The following OXCT1 variants were observed in gnomAD, a reference collection of about 807,000 sequenced individuals.
OXCT1 encodes 3-oxoacid CoA-transferase 1.
Under a neutral mutation model 69.6 loss-of-function variants are expected in OXCT1, and 27 were observed. The observed-to-expected ratio is 0.39, with a 90% CI of 0.29 to 0.54. The LOEUF is 0.54. OXCT1 is among the 20% of genes least tolerant of loss of function. The probability of loss-of-function intolerance (pLI) is 0.72; values close to 1 mark genes in which losing one functional copy is unlikely to be tolerated. For missense variants in OXCT1, 437 were observed against 650.2 expected (o/e 0.67, Z 3.57); for synonymous variants, 202 against 217.8 (o/e 0.93, Z 0.64).
intron 5 of OXCT1, among the ~76,000 whole-genome samples, chr5:41,844,851 C>G (rs376124610): frequency 2.4e-4 from 36 of 151,908 alleles, no homozygotes; most frequent in East Asian, 2.3e-3. Flanking sequence ...TCCACTGTTA[C>G]CACCTTGGTC....
intron 1 of OXCT1, chr5:41,869,972 C>G (rs1750207827): frequency 4.6e-6 from 2 of 432,256 alleles, no homozygotes; most frequent in African/African-American, 4.0e-5. Flanking sequence ...GGAGGGAAGC[C>G]GACGAGCGCC....
chr5:41,753,632 G>A (rs1305118091), intron 14 of OXCT1, among the ~76,000 whole-genome samples: 1 of 152,070 alleles, frequency 6.6e-6, no homozygotes, highest in Non-Finnish European at 1.5e-5. Context: ...TGTCCCCAGT[G>A]TGTGGCCCTC....
chr5:41,745,205 C>T (rs1041896825), intron 15 of OXCT1, among the ~76,000 whole-genome samples: 3 of 152,118 alleles, frequency 2.0e-5, no homozygotes, highest in Non-Finnish European at 4.4e-5. Context: ...AACTGTCTCT[C>T]AGACCACAGT....
intron 7 of OXCT1, among the ~76,000 whole-genome samples, chr5:41,823,628 G>A (rs1483794531): frequency 6.6e-6 from 1 of 152,170 alleles, no homozygotes; most frequent in African/African-American, 2.4e-5. Context: ...TGATTTTTCA[G>A]TTTATTCATC....
intron 7 of OXCT1, among the ~76,000 whole-genome samples, chr5:41,808,618 T>G (rs955336827): frequency 6.6e-6 from 1 of 152,054 alleles, no homozygotes; most frequent in Non-Finnish European, 1.5e-5. Flanking sequence ...AGAAAATATG[T>G]CGGCATCCAA....
chr5:41,777,140 G>A (rs1355720731), intron 13 of OXCT1, among the ~76,000 whole-genome samples: 1 of 152,122 alleles, frequency 6.6e-6, no homozygotes, highest in South Asian at 2.1e-4. Context: ...AAAAGGGGCC[G>A]GGTGCGGTGG....
intron 7 of OXCT1, among the ~76,000 whole-genome samples, chr5:41,830,646 T>A (rs537007774): frequency 6.6e-6 from 1 of 152,304 alleles, no homozygotes; most frequent in African/African-American, 2.4e-5. Context: ...ATGTGTGTGT[T>A]CTTGAAATGG....
intron 11 of OXCT1, among the ~76,000 whole-genome samples, chr5:41,795,067 A>G (rs1048334226): frequency 2.6e-5 from 4 of 152,182 alleles, no homozygotes; most frequent in African/African-American, 9.7e-5. Context: ...ATTTTTCCAC[A>G]GACTGGGGGA....
At chr5:41,775,248 AC>A (rs1329037964) in intron 13 of OXCT1, among the ~76,000 whole-genome samples, 6 of 151,990 alleles carry the variant, frequency 3.9e-5, no homozygotes, top group Non-Finnish European at 5.9e-5. Context: ...CCCATTTCAA[AC>A]CCTGATAGCA....
chr5:41,852,698 T>TA (rs998186163), intron 4 of OXCT1, among the ~76,000 whole-genome samples: 8 of 152,190 alleles, frequency 5.3e-5, no homozygotes, highest in African/African-American at 1.9e-4. Context: ...CTTACTCAGA[T>TA]ATAGTCACAT....
intron 8 of OXCT1, among the ~76,000 whole-genome samples, chr5:41,806,806 G>A (rs1169850252): frequency 2.0e-5 from 3 of 151,962 alleles, no homozygotes; most frequent in Non-Finnish European, 4.4e-5. Context: ...ATGCAAAAGG[G>A]ACTAACACAC....
chr5:41,733,486 A>T (rs769803869), intron 16 of OXCT1, among the ~76,000 whole-genome samples: 1 of 152,164 alleles, frequency 6.6e-6, no homozygotes, highest in Non-Finnish European at 1.5e-5. Flanking sequence ...ACCTCAGGTG[A>T]TCCACCTGCC....
chr5:41,842,292 CA>C (rs1216651343), intron 6 of OXCT1, among the ~76,000 whole-genome samples: 1 of 152,076 alleles, frequency 6.6e-6, no homozygotes, highest in Non-Finnish European at 1.5e-5. Context: ...TCCAGAGTAT[CA>C]AATTAGCTTT....
In OXCT1 at chr5:41,744,329, T is replaced by C. The variant is rs189225155; in HGVS notation, c.1420-4838A>G. 4.8e-3 allele frequency among the ~76,000 whole-genome samples: 726 copies of C among 152,340 alleles called. 2 individuals are homozygous for C. Among genetic ancestry groups the C allele is most frequent in the African/African-American group, 0.013 (550 of 41,578 alleles). ...ACATTCATTTTGTATCCTGAGACTTTGCTGAAGTTGCTTATCAGCTTAAGG... is the reference window on the plus strand; with the variant it reads ...ACATTCATTTTGTATCCTGAGACTTCGCTGAAGTTGCTTATCAGCTTAAGG... On this transcript the variant is annotated intron_variant, in intron 15 of 16. Coordinates refer to ENST00000196371, the MANE Select transcript of OXCT1 (RefSeq NM_000436.4).
intron 13 of OXCT1, among the ~76,000 whole-genome samples, chr5:41,792,103 C>G (rs547816086): frequency 6.6e-6 from 1 of 152,158 alleles, no homozygotes; most frequent in Non-Finnish European, 1.5e-5. Flanking sequence ...GCGTCCGGCC[C>G]GCAACTTCTT....
At chr5:41,845,786 A>G (rs1228331854) in intron 5 of OXCT1, among the ~76,000 whole-genome samples, 1 of 152,324 alleles carries the variant, frequency 6.6e-6, no homozygotes, top group East Asian at 1.9e-4. Flanking sequence ...TTTATGAGAT[A>G]CTACTACAGT....
At chr5:41,756,309 T>A (rs1744068250) in intron 14 of OXCT1, among the ~76,000 whole-genome samples, 1 of 152,098 alleles carries the variant, frequency 6.6e-6, no homozygotes, top group South Asian at 2.1e-4. Flanking sequence ...TTCCCGTACA[T>A]GATATTGAGA....
intron 14 of OXCT1, among the ~76,000 whole-genome samples, chr5:41,761,500 A>T (rs114403607): frequency 0.013 from 1,944 of 152,260 alleles, 36 homozygotes; most frequent in African/African-American, 0.041. Context: ...AAGCTTCATG[A>T]GATCAGTAAT....
At chr5:41,783,469 G>C (rs1042720932) in intron 13 of OXCT1, among the ~76,000 whole-genome samples, 3 of 152,130 alleles carry the variant, frequency 2.0e-5, no homozygotes, top group Admixed American at 2.0e-4. Flanking sequence ...TTTCTAGGAA[G>C]CCTCATCTAT....
Sources: gnomAD v4.1 joint callset for allele counts (sites outside exome capture counted in the v4.1 genomes callset) on GRCh38, gnomAD v4.1.1 for gene constraint, MANE v1.5 for transcripts, NCBI Gene and HGNC (gene_info 2026-07-23, HGNC 2026-07-21) for gene names.